Variants in DYNC2H1 observed in about 807,000 individuals in gnomAD.
DYNC2H1 encodes the protein cytoplasmic dynein 2 heavy chain 1.
DYNC2H1 carries 410 observed loss-of-function variants against 570.0 expected under a neutral mutation model. The ratio of observed to expected loss-of-function variants is 0.72; its 90% CI spans 0.66 to 0.78. The LOEUF is 0.78. Ranked by LOEUF, DYNC2H1 falls within the 30% of genes least tolerant of loss-of-function variation. The probability of loss-of-function intolerance (pLI) is 0.00; values close to 1 mark genes in which losing one functional copy is unlikely to be tolerated. For synonymous variants in DYNC2H1, 1,688 were observed against 1,677.6 expected, an observed-to-expected ratio of 1.01 and a Z score of -0.15; for missense variants, 4,865 against 5,046.4, an observed-to-expected ratio of 0.96 and a Z score of 1.09.
chr11:103,179,327 A>T (rs1476101282), intron 39 of DYNC2H1, 94 bp downstream of exon 39: 1 of 1,133,076 alleles, frequency 8.8e-7, no homozygotes, highest in East Asian at 2.7e-5. Flanking sequence ...TGAATAATGA[A>T]TACATATTTT....
intron 46 of DYNC2H1, among the ~76,000 whole-genome samples, 155 bp from the exon 47 acceptor site, chr11:103,191,942 T>C (rs1862333028): frequency 1.3e-5 from 2 of 152,070 alleles, no homozygotes; most frequent in African/African-American, 4.8e-5. Context: ...TACCAACTTA[T>C]TAACAAAATG....
chr11:103,330,865 G>A (rs55701542), intron 82 of DYNC2H1, among the ~76,000 whole-genome samples: 5,605 of 152,178 alleles, frequency 0.037, 191 homozygotes, highest in African/African-American at 0.089. Flanking sequence ...TCATACATTG[G>A]AATATTAGTA....
At chr11:103,122,754 G>T in intron 10 of DYNC2H1, 71 bp from the exon 11 acceptor site, 1 of 1,299,406 alleles carries the variant, frequency 7.7e-7, no homozygotes, top group Non-Finnish European at 1.1e-6. Flanking sequence ...ATCAGAGAAG[G>T]GGACTCCTTA....
At chr11:103,150,968 G>T (rs1655336643) in intron 20 of DYNC2H1, among the ~76,000 whole-genome samples, 1 of 152,168 alleles carries the variant, frequency 6.6e-6, no homozygotes, top group Non-Finnish European at 1.5e-5. Context: ...CTCATATTCT[G>T]TGGGCACTGG....
At chr11:103,420,497 A>C (rs186082713) in intron 84 of DYNC2H1, among the ~76,000 whole-genome samples, 1 of 152,178 alleles carries the variant, frequency 6.6e-6, no homozygotes, top group Non-Finnish European at 1.5e-5. Context: ...CGTCACTCAC[A>C]AAGGGAAGCC....
intron 83 of DYNC2H1, among the ~76,000 whole-genome samples, chr11:103,378,636 G>T (rs1199930329): frequency 6.6e-6 from 1 of 152,188 alleles, no homozygotes; most frequent in African/African-American, 2.4e-5. Flanking sequence ...TCTGGCTCAA[G>T]AGAGTAACCT....
chr11:103,337,288 G>A (rs1424798697), intron 82 of DYNC2H1, among the ~76,000 whole-genome samples: 1 of 151,982 alleles, frequency 6.6e-6, no homozygotes, highest in East Asian at 1.9e-4. Context: ...ATCTCTGTTC[G>A]AGGCTCTCAG....
In DYNC2H1 at chr11:103,185,081, CA is replaced by C. The variant is rs895896783; in HGVS notation, c.6633+34del. 136 of 1,584,244 alleles carry C rather than the reference CA, an allele frequency of 8.6e-5. 8 individuals carry two copies. Among genetic ancestry groups the C allele is most frequent in the Non-Finnish European group, 2.3e-5 (27 of 1,162,122 alleles). On this transcript the variant is annotated intron_variant, in intron 41 of 88. Coordinates refer to ENST00000375735, the MANE Select transcript of DYNC2H1 (RefSeq NM_001377.3). This position sits in a 1 kb window ranked among gnomAD's most constrained non-coding sequence, Gnocchi z 4.5. ...TGCATATTTATAGCCTATATTTAGT[CA>C]AAACTTTAACTTTTCATTAACTCTT...
chr11:103,221,370 A>G (rs1042642941), intron 57 of DYNC2H1, among the ~76,000 whole-genome samples: 1 of 152,196 alleles, frequency 6.6e-6, no homozygotes, highest in Non-Finnish European at 1.5e-5. Context: ...ATGGAGGAGG[A>G]CATAGGTTGA....
intron 83 of DYNC2H1, among the ~76,000 whole-genome samples, chr11:103,360,315 C>T (rs767779431): frequency 6.6e-5 from 10 of 151,902 alleles, no homozygotes; most frequent in East Asian, 5.8e-4. Flanking sequence ...AGAGCCAGAC[C>T]GGTGGGGTTC....
intron 86 of DYNC2H1, 76 bp from the exon 87 acceptor site, chr11:103,456,199 C>A (rs1944780321): frequency 9.2e-7 from 1 of 1,087,474 alleles, no homozygotes; most frequent in Non-Finnish European, 1.3e-6. Context: ...ATAAATAGGA[C>A]TATATCTTCA....
chr11:103,433,069 T>TATC (rs1404937276), intron 84 of DYNC2H1, among the ~76,000 whole-genome samples: 1 of 152,154 alleles, frequency 6.6e-6, no homozygotes, highest in Non-Finnish European at 1.5e-5. Context: ...TTCAGCTTTG[T>TATC]ATCTCCTTTA....
chr11:103,388,480 T>C (rs184994737), intron 83 of DYNC2H1, among the ~76,000 whole-genome samples: 1 of 152,334 alleles, frequency 6.6e-6, no homozygotes, highest in African/African-American at 2.4e-5. Flanking sequence ...CTTTTCCTAA[T>C]TGAATATCCT....
Position 103,120,974 on chromosome 11 carries a change from T to C in DYNC2H1, c.1298T>C (p.Ile433Thr). Reference protein sequence around the residue: ...KYKELVKRPTISKELMLERET... With the variant: ...KYKELVKRPTTSKELMLERET... ...AAAGAGTTGGTAAAGCGTCCAACTA[T>C]AAGCAAAGAATTGATGTTAGAAAGA... Residue 433 changes from isoleucine to threonine, a missense_variant, in exon 9 of 89, where the codon ATA (isoleucine) becomes ACA (threonine). Coordinates refer to ENST00000375735, the MANE Select transcript of DYNC2H1 (RefSeq NM_001377.3). 1.3e-6 allele frequency: 2 copies of C among 1,585,096 alleles called. No individual in the cohort carries two copies. Among genetic ancestry groups the C allele is most frequent in the Non-Finnish European group, 1.7e-6 (2 of 1,167,224 alleles).
At chr11:103,221,946 A>G (rs544778650) in intron 57 of DYNC2H1, 84 bp from the exon 58 acceptor site, 16 of 1,412,544 alleles carry the variant, frequency 1.1e-5, no homozygotes, top group African/African-American at 7.1e-5. Flanking sequence ...AAAGTATTGC[A>G]TACACCATTT....
chr11:103,174,180 A>G lies in DYNC2H1; in HGVS notation c.5674+10A>G. 1 of 1,512,946 alleles carries G rather than the reference A, an allele frequency of 6.6e-7. No homozygotes were observed. The highest frequency in any genetic ancestry group is 9.0e-7 in the Non-Finnish European group (1 of 1,114,736). 93.7% of individuals were successfully genotyped at this position (1,512,946 alleles called of 1,614,324 possible). On this transcript the variant is annotated intron_variant, in intron 36 of 88. Coordinates refer to ENST00000375735, the MANE Select transcript of DYNC2H1 (RefSeq NM_001377.3). ...GGCACTACACAGAATGGTATGATTG[A>G]TTATTCCAAATACATTAACTTATTT...
intron 12 of DYNC2H1, among the ~76,000 whole-genome samples, chr11:103,126,782 GC>G (rs940916080): frequency 3.9e-4 from 59 of 152,088 alleles, no homozygotes; most frequent in African/African-American, 1.4e-3. Flanking sequence ...GACTATAGGG[GC>G]CCGCCACCAA....
rs1364774281 is a variant in DYNC2H1, at chr11:103,324,162, A to AT, written c.12039+180dup. Among the ~76,000 whole-genome samples the AT allele has an allele frequency of 6.6e-6, 1 of 151,826 alleles. No individual in the cohort carries two copies. The highest frequency in any genetic ancestry group is 1.9e-4 in the East Asian group (1 of 5,190). On this transcript the variant is annotated intron_variant, in intron 82 of 88. Transcript: ENST00000375735. This position sits in a 1 kb window ranked among gnomAD's most constrained non-coding sequence, Gnocchi z 5.2. ...ATTTTTTAAAATATTTGATTTTCTGATTTTTTTTCTTTTTAAACTTTTATT... is the reference window on the plus strand; with the variant it reads ...ATTTTTTAAAATATTTGATTTTCTGATTTTTTTTTCTTTTTAAACTTTTATT...
At chr11:103,272,597 A>T (rs538101386) in intron 70 of DYNC2H1, among the ~76,000 whole-genome samples, 24 of 152,294 alleles carry the variant, frequency 1.6e-4, no homozygotes, top group Admixed American at 4.6e-4. Context: ...AATAAATAAA[A>T]AAGAAATTCT....
Sources: allele counts gnomAD v4.1 joint callset (sites outside exome capture counted in the v4.1 genomes callset), GRCh38; gene constraint gnomAD v4.1.1; non-coding constraint Gnocchi (gnomAD v3.1); transcripts MANE v1.5; gene names NCBI Gene and HGNC (gene_info 2026-07-23, HGNC 2026-07-21).